Variants in ESR1 observed in about 807,000 individuals in gnomAD.
ESR1 encodes estrogen receptor 1, also known as estrogen receptor.
ESR1 carries 12 observed loss-of-function variants against 52.7 expected under a neutral mutation model. The ratio of observed to expected loss-of-function variants is 0.23; its 90% confidence interval spans 0.15 to 0.37. ESR1 has a LOEUF of 0.37. Ranked by LOEUF, ESR1 falls within the 10% of genes least tolerant of loss-of-function variation. The probability of loss-of-function intolerance (pLI) is 1.00; values close to 1 mark genes in which losing one functional copy is unlikely to be tolerated. For missense variants in ESR1, 584 were observed against 779.7 expected, an observed-to-expected ratio of 0.75 and a Z score of 2.99; for synonymous variants, 305 against 316.8, an observed-to-expected ratio of 0.96 and a Z score of 0.39.
intron 6 of ESR1, among the ~76,000 whole-genome samples, chr6:152,075,262 C>A (rs1467862819): frequency 6.6e-6 from 1 of 152,130 alleles, no homozygotes; most frequent in African/African-American, 2.4e-5. Context: ...TGAGGTTCAC[C>A]TTTTTATTTG....
exon 1 of ESR1, chr6:151,690,610 C>G (rs1410609173): frequency 2.0e-5 from 3 of 152,162 alleles, no homozygotes; most frequent in Non-Finnish European, 4.4e-5. Context: ...GCTCCTTTCT[C>G]CTGCCCATTC....
At chr6:151,953,998 T>C (rs1185605022) in intron 4 of ESR1, among the ~76,000 whole-genome samples, 1 of 152,158 alleles carries the variant, frequency 6.6e-6, no homozygotes, top group African/African-American at 2.4e-5. Context: ...ATCTCTCCTT[T>C]CACCCCGCCT....
chr6:152,018,450 A>G (rs1190194428), intron 5 of ESR1, among the ~76,000 whole-genome samples: 2 of 152,082 alleles, frequency 1.3e-5, no homozygotes, highest in South Asian at 2.1e-4. Flanking sequence ...AAGTTCTGAA[A>G]TGAGTTGAAT....
intron 3 of ESR1, among the ~76,000 whole-genome samples, chr6:151,896,175 T>C (rs1795470505): frequency 6.6e-6 from 1 of 152,194 alleles, no homozygotes; most frequent in Admixed American, 6.5e-5. Flanking sequence ...TTGGTTTTGG[T>C]ACAAGGGTGA....
chr6:151,784,315 T>A (rs566453049), intron 2 of ESR1, among the ~76,000 whole-genome samples: 1 of 152,238 alleles, frequency 6.6e-6, no homozygotes, highest in Non-Finnish European at 1.5e-5. Flanking sequence ...TATAGCTTCA[T>A]GGATATTTAT....
intron 1 of ESR1, among the ~76,000 whole-genome samples, chr6:151,839,613 G>A (rs147853237): frequency 8.5e-5 from 13 of 152,262 alleles, no homozygotes; most frequent in Non-Finnish European, 1.9e-4. Flanking sequence ...ATGGATGAAT[G>A]GGTAAACAAA....
intron 5 of ESR1, among the ~76,000 whole-genome samples, chr6:152,041,780 A>G (rs2045822499): frequency 6.6e-6 from 1 of 152,206 alleles, no homozygotes; most frequent in Non-Finnish European, 1.5e-5. Flanking sequence ...TAGGACAGTA[A>G]AGGTATATTG....
intron 1 of ESR1, among the ~76,000 whole-genome samples, chr6:151,839,407 G>C (rs1369389373): frequency 6.6e-6 from 1 of 152,132 alleles, no homozygotes; most frequent in Non-Finnish European, 1.5e-5. Flanking sequence ...ATGTAAAATG[G>C]TGCAGCCACT....
chr6:151,686,504 T>A (rs186389315), upstream of ESR1, among the ~76,000 whole-genome samples: 263 of 152,182 alleles, frequency 1.7e-3, 2 homozygotes, highest in African/African-American at 6.2e-3. Context: ...GCTAACATGG[T>A]GAAACCCCGT....
intron 6 of ESR1, chr6:152,122,728 C>A (rs368409927): frequency 6.2e-7 from 1 of 1,610,394 alleles, no homozygotes; most frequent in Non-Finnish European, 8.5e-7. Flanking sequence ...GTCGGAGGGA[C>A]GCTGCTTTTT....
chr6:151,741,558 C>G (rs1184034301), intron 2 of ESR1, among the ~76,000 whole-genome samples: 1 of 152,066 alleles, frequency 6.6e-6, no homozygotes, highest in Non-Finnish European at 1.5e-5. Context: ...TCAATATGCT[C>G]CCTGTTTTTT....
At position 152,099,021 on chromosome 6, in the gene ESR1, C is replaced by A; in HGVS notation, c.*55C>A. The A allele has an allele frequency of 6.8e-7, 1 of 1,467,102 alleles. No homozygotes were observed. The highest frequency in any genetic ancestry group is 9.5e-7 in the Non-Finnish European group (1 of 1,053,160). The allele number at this position is 1,467,102 out of a possible 1,614,324, so 90.9% of individuals were successfully genotyped here. A position where few individuals can be genotyped will look rare whatever the true frequency, so the allele number is the denominator to read the frequency against. Reference sequence around the variant, plus strand: ...AATCCCTGCTGCATTTTACCCTCATCATGCACCACTTTAGCCAAATTCTGT... The same window carrying A: ...AATCCCTGCTGCATTTTACCCTCATAATGCACCACTTTAGCCAAATTCTGT... On this transcript the variant is annotated 3_prime_UTR_variant, in exon 8 of 8. Coordinates refer to ENST00000206249, the MANE Select transcript of ESR1 (RefSeq NM_000125.4).
At chr6:151,718,555 AC>A (rs1166970696) in intron 2 of ESR1, among the ~76,000 whole-genome samples, 1 of 152,250 alleles carries the variant, frequency 6.6e-6, no homozygotes, top group Non-Finnish European at 1.5e-5. Context: ...AAAAGAAATC[AC>A]ATCTGTCCTT....
chr6:151,975,699 T>A, intron 4 of ESR1, among the ~76,000 whole-genome samples: 1 of 152,214 alleles, frequency 6.6e-6, no homozygotes, highest in East Asian at 1.9e-4. Context: ...ACTTAAAGTC[T>A]ACTGATTGTA....
At chr6:151,926,910 T>C (rs2032845555) in intron 3 of ESR1, among the ~76,000 whole-genome samples, 1 of 152,186 alleles carries the variant, frequency 6.6e-6, no homozygotes, top group African/African-American at 2.4e-5. Context: ...TGAGATAAGA[T>C]ATCTTAGAAT....
At chr6:151,873,192 G>A (rs551822977) in intron 2 of ESR1, among the ~76,000 whole-genome samples, 33 of 152,304 alleles carry the variant, frequency 2.2e-4, no homozygotes, top group Non-Finnish European at 2.9e-4. Context: ...GAATGCATAA[G>A]AGTTCAGCTT....
chr6:151,841,795 C>T (rs780762142), intron 1 of ESR1, among the ~76,000 whole-genome samples: 1 of 152,070 alleles, frequency 6.6e-6, no homozygotes, highest in Non-Finnish European at 1.5e-5. Flanking sequence ...CTACTGCAGC[C>T]TCGACATCCT....
At chr6:152,095,105 G>A (rs1419335051) in intron 7 of ESR1, among the ~76,000 whole-genome samples, 1 of 152,146 alleles carries the variant, frequency 6.6e-6, no homozygotes, top group Non-Finnish European at 1.5e-5. Flanking sequence ...CACTGGATGT[G>A]TATCCCTGCC....
intron 5 of ESR1, 42 bp from the exon 6 acceptor site, chr6:152,060,949 A>C: frequency 6.7e-7 from 1 of 1,488,238 alleles, no homozygotes; most frequent in Non-Finnish European, 9.1e-7. Context: ...TCTGTTTTTT[A>C]ATCTTTTTAT....
Sources: gnomAD v4.1 joint callset for allele counts (sites outside exome capture counted in the v4.1 genomes callset) on GRCh38, gnomAD v4.1.1 for gene constraint, MANE v1.5 for transcripts, NCBI Gene and HGNC (gene_info 2026-07-23, HGNC 2026-07-21) for gene names.